NRXN1: variants seen among roughly 807,000 people sequenced by gnomAD.
The protein encoded by NRXN1 is neurexin-1.
NRXN1 carries 39 observed loss-of-function variants against 150.9 expected under a neutral mutation model. The observed-to-expected ratio is 0.26, with a 90% CI of 0.20 to 0.34. The LOEUF (loss-of-function observed/expected upper bound fraction) is 0.34, where lower values mean the gene tolerates loss of function less well. NRXN1 is among the 10% of genes least tolerant of loss of function. The pLI, the probability that NRXN1 is intolerant of heterozygous loss-of-function variation, is 1.00. For synonymous variants in NRXN1, 924 were observed against 757.0 expected (o/e 1.22, Z -3.62); for missense variants, 1,815 against 1,949.9 (o/e 0.93, Z 1.30).
intron 18 of NRXN1, among the ~76,000 whole-genome samples, chr2:50,170,060 A>T (rs1401235278): frequency 2.6e-5 from 4 of 151,944 alleles, no homozygotes; most frequent in African/African-American, 7.3e-5. Context: ...TTTTTTAAGC[A>T]TGTATTTTAC....
intron 17 of NRXN1, among the ~76,000 whole-genome samples, chr2:50,394,949 G>A (rs377074378): frequency 6.6e-6 from 1 of 151,790 alleles, no homozygotes; most frequent in Non-Finnish European, 1.5e-5. Flanking sequence ...ACAGTCACAT[G>A]ACTACTTTTC....
intron 17 of NRXN1, among the ~76,000 whole-genome samples, chr2:50,265,262 T>C (rs1231438294): frequency 6.6e-6 from 1 of 152,070 alleles, no homozygotes; most frequent in African/African-American, 2.4e-5. Flanking sequence ...AAAAAAAATG[T>C]GTACTCTGAT....
intron 5 of NRXN1, among the ~76,000 whole-genome samples, chr2:50,853,673 T>C (rs1042393365): frequency 3.3e-5 from 5 of 152,096 alleles, no homozygotes; most frequent in African/African-American, 9.7e-5. Flanking sequence ...TAAACTCAGA[T>C]GTCTAGCTTT....
At chr2:50,168,695 C>T (rs1033276036) in intron 18 of NRXN1, among the ~76,000 whole-genome samples, 1 of 152,146 alleles carries the variant, frequency 6.6e-6, no homozygotes, top group Admixed American at 6.5e-5. Flanking sequence ...CAGAGGCCAA[C>T]CAACACTTTA....
intron 19 of NRXN1, among the ~76,000 whole-genome samples, chr2:50,067,898 T>C (rs1171563086): frequency 6.6e-6 from 1 of 152,228 alleles, no homozygotes; most frequent in Non-Finnish European, 1.5e-5. Context: ...TCCCAGTTCT[T>C]GTTTTTTGAA....
chr2:50,809,411 C>G (rs564244716), intron 5 of NRXN1, among the ~76,000 whole-genome samples: 9 of 152,042 alleles, frequency 5.9e-5, no homozygotes, highest in Non-Finnish European at 5.9e-5. Context: ...TGGAGAAGAG[C>G]CAGGTAGGTG....
intron 5 of NRXN1, among the ~76,000 whole-genome samples, chr2:50,686,358 G>A (rs890198865): frequency 1.3e-5 from 2 of 152,048 alleles, no homozygotes; most frequent in Non-Finnish European, 2.9e-5. Flanking sequence ...AGAAATTGCA[G>A]CAAATTCCTC....
At chr2:50,481,255 G>T (rs2090435642) in intron 15 of NRXN1, among the ~76,000 whole-genome samples, 1 of 152,182 alleles carries the variant, frequency 6.6e-6, no homozygotes. Context: ...GGAAATTTTG[G>T]AGAGTTGTGG....
At chr2:50,560,479 C>T (rs550694213) in intron 8 of NRXN1, among the ~76,000 whole-genome samples, 2 of 137,486 alleles carry the variant, frequency 1.5e-5, no homozygotes, top group South Asian at 2.3e-4. Context: ...CTCACTCCGT[C>T]GCCCAGGCTG....
At chr2:50,596,876 T>TG (rs1675318081) in intron 8 of NRXN1, among the ~76,000 whole-genome samples, 1 of 148,636 alleles carries the variant, frequency 6.7e-6, no homozygotes, top group Non-Finnish European at 1.5e-5. Flanking sequence ...TTTTTTTTTT[T>TG]TTTTTTTTTT....
At chr2:50,948,182 A>AT (rs1476058559) in intron 2 of NRXN1, among the ~76,000 whole-genome samples, 10 of 152,082 alleles carry the variant, frequency 6.6e-5, no homozygotes, top group African/African-American at 2.4e-4. Flanking sequence ...TCTTGAGGTA[A>AT]TTTTTGTTTT....
chr2:50,607,538 A>T (rs1232808892), intron 8 of NRXN1, among the ~76,000 whole-genome samples: 1 of 152,186 alleles, frequency 6.6e-6, no homozygotes, highest in Non-Finnish European at 1.5e-5. Flanking sequence ...ATTAAAATGG[A>T]AATAAATACA....
intron 17 of NRXN1, among the ~76,000 whole-genome samples, chr2:50,447,332 T>G (rs2086507831): frequency 6.6e-6 from 1 of 151,150 alleles, no homozygotes; most frequent in Admixed American, 6.6e-5. Flanking sequence ...ATACATAAAT[T>G]AGCCAGGTGT....
intron 5 of NRXN1, among the ~76,000 whole-genome samples, chr2:50,711,180 T>G (rs1695089773): frequency 6.6e-6 from 1 of 152,162 alleles, no homozygotes; most frequent in African/African-American, 2.4e-5. Flanking sequence ...AACCAGTGGC[T>G]GTCAGTTTTG....
At chr2:50,758,799 T>A (rs1003819728) in intron 5 of NRXN1, among the ~76,000 whole-genome samples, 2 of 151,864 alleles carry the variant, frequency 1.3e-5, no homozygotes, top group African/African-American at 4.8e-5. Context: ...CTCTCACTCA[T>A]CTATTCGCAC....
At chr2:49,995,078 T>C (rs1682703557) in intron 21 of NRXN1, among the ~76,000 whole-genome samples, 1 of 152,204 alleles carries the variant, frequency 6.6e-6, no homozygotes, top group African/African-American at 2.4e-5. Flanking sequence ...CCAACCTTCT[T>C]TGCACCTTTC....
intron 18 of NRXN1, among the ~76,000 whole-genome samples, chr2:50,123,617 A>C (rs1704166235): frequency 6.6e-6 from 1 of 152,178 alleles, no homozygotes; most frequent in African/African-American, 2.4e-5. Context: ...AAAGCATCTA[A>C]AACACAAGTT....
At chr2:50,575,217 T>C (rs1433850122) in intron 8 of NRXN1, among the ~76,000 whole-genome samples, 1 of 152,218 alleles carries the variant, frequency 6.6e-6, no homozygotes, top group Non-Finnish European at 1.5e-5. Context: ...AAAAGCACTC[T>C]TATTGCAGAT....
At chr2:50,254,345 A>C in intron 17 of NRXN1, among the ~76,000 whole-genome samples, 1 of 145,208 alleles carries the variant, frequency 6.9e-6, no homozygotes, top group South Asian at 2.2e-4. Context: ...CTGTCTTATT[A>C]TTTTTTTTCA....
Sources: gnomAD v4.1 joint callset for allele counts (sites outside exome capture counted in the v4.1 genomes callset) on GRCh38, gnomAD v4.1.1 for gene constraint, MANE v1.5 for transcripts, NCBI Gene and HGNC (gene_info 2026-07-23, HGNC 2026-07-21) for gene names.